The following FBXO42 variants were observed in gnomAD, a reference collection of about 807,000 sequenced individuals.
FBXO42 encodes F-box protein 42.
A neutral mutation model predicts 71.7 loss-of-function variants in FBXO42; 12 were observed. The ratio of observed to expected loss-of-function variants is 0.17; its 90% confidence interval spans 0.11 to 0.27. The LOEUF (loss-of-function observed/expected upper bound fraction) is 0.27. FBXO42 is among the 10% of genes least tolerant of loss of function. FBXO42 has a pLI of 1.00. For synonymous variants in FBXO42, 325 were observed against 327.5 expected (o/e 0.99, Z 0.08); for missense variants, 707 against 911.9 (o/e 0.78, Z 2.89).
rs556669619 is a variant in FBXO42, at chr1:16,331,277, G to A, written c.-17-15842C>T. Reference sequence around the variant, plus strand: ...AAATACAAAAAATTAGCCGGGCATGGTGGCGGGCGCCTGTAGTCCCAGCTA... The same window carrying A: ...AAATACAAAAAATTAGCCGGGCATGATGGCGGGCGCCTGTAGTCCCAGCTA... On this transcript the variant is annotated intron_variant, in intron 1 of 9. Coordinates refer to ENST00000375592, the MANE Select transcript of FBXO42 (RefSeq NM_018994.3). Among the ~76,000 whole-genome samples the A allele has an allele frequency of 6.1e-3, 929 of 151,866 alleles. 11 individuals carry two copies. The highest frequency in any genetic ancestry group is 0.021 in the African/African-American group (882 of 41,402).
chr1:16,326,695 A>AG (rs899099282), intron 1 of FBXO42, among the ~76,000 whole-genome samples: 5 of 151,916 alleles, frequency 3.3e-5, no homozygotes, highest in African/African-American at 1.2e-4. Flanking sequence ...AAAAAAAAAA[A>AG]AAAAAGAAAA....
At chr1:16,279,058 G>A (rs907897683) in intron 4 of FBXO42, among the ~76,000 whole-genome samples, 2 of 152,182 alleles carry the variant, frequency 1.3e-5, no homozygotes, top group African/African-American at 2.4e-5. Context: ...TTACAGGCAT[G>A]AGCCACCGCG....
chr1:16,275,284 A>G (rs1229437638), intron 4 of FBXO42, among the ~76,000 whole-genome samples: 1 of 152,196 alleles, frequency 6.6e-6, no homozygotes, highest in Non-Finnish European at 1.5e-5. Flanking sequence ...GAAAAGAGGA[A>G]ATTATCAGGG....
chr1:16,347,752 G>A (rs1461289527), intron 1 of FBXO42, among the ~76,000 whole-genome samples: 1 of 152,174 alleles, frequency 6.6e-6, no homozygotes, highest in Non-Finnish European at 1.5e-5. Flanking sequence ...CACTTTGGGA[G>A]GCCGAGGCGG....
At position 16,249,035 on chromosome 1, in the gene FBXO42, T is replaced by A. The variant is rs151206607; in HGVS notation, c.*1635A>T. The A allele has an allele frequency of 1.3e-5, 2 of 152,260 alleles. No individual in the cohort carries two copies. Among genetic ancestry groups the A allele is most frequent in the Non-Finnish European group, 2.9e-5 (2 of 68,046 alleles). The allele number at this position is 152,260 out of a possible 1,614,324, so 9.4% of individuals were successfully genotyped here. A position where few individuals can be genotyped will look rare whatever the true frequency, so the allele number is the denominator to read the frequency against. On this transcript the variant is annotated 3_prime_UTR_variant, in exon 10 of 10. Transcript: ENST00000375592. Reference sequence around the variant, plus strand: ...CCAGGGCCAGCTGCAGCAGGCTTTGTGCCTGAGAAACGCTAATAATAAAAA... The same window carrying A: ...CCAGGGCCAGCTGCAGCAGGCTTTGAGCCTGAGAAACGCTAATAATAAAAA...
intron 1 of FBXO42, among the ~76,000 whole-genome samples, chr1:16,330,012 C>T (rs2082484394): frequency 6.6e-6 from 1 of 152,154 alleles, no homozygotes; most frequent in Admixed American, 6.6e-5. Flanking sequence ...CGTGTATGTA[C>T]GTTTTCCTCT....
chr1:16,341,884 T>A (rs1024179423), intron 1 of FBXO42, among the ~76,000 whole-genome samples: 1 of 148,934 alleles, frequency 6.7e-6, no homozygotes, highest in African/African-American at 2.5e-5. Flanking sequence ...GGAAGGAGAA[T>A]CGCTTGAACC....
intron 1 of FBXO42, among the ~76,000 whole-genome samples, chr1:16,334,611 T>G: frequency 6.6e-6 from 1 of 152,000 alleles, no homozygotes; most frequent in Non-Finnish European, 1.5e-5. Context: ...CTGTATCAGT[T>G]TACAAACTAA....
intron 1 of FBXO42, among the ~76,000 whole-genome samples, chr1:16,341,972 C>CA (rs56035222): frequency 0.033 from 3,324 of 99,820 alleles, 108 homozygotes; most frequent in African/African-American, 0.11. Context: ...ATTCCGTCTC[C>CA]AAAAAAAAAA....
chr1:16,284,927 C>T (rs938194764), intron 4 of FBXO42, among the ~76,000 whole-genome samples: 89 of 151,846 alleles, frequency 5.9e-4, no homozygotes, highest in Non-Finnish European at 9.7e-4. Flanking sequence ...AGAGATTGCA[C>T]CACTGAACTC....
At chr1:16,260,135 A>G (rs963485920) in intron 4 of FBXO42, among the ~76,000 whole-genome samples, 3 of 152,076 alleles carry the variant, frequency 2.0e-5, no homozygotes, top group Admixed American at 6.6e-5. Flanking sequence ...TATTGTTACT[A>G]TAACTCTTAC....
rs2081605423 is a variant in FBXO42, at chr1:16,252,688, G to A, written c.922-284C>T. 6.6e-6 allele frequency among the ~76,000 whole-genome samples: 1 copy of A among 152,104 alleles called. No homozygotes were observed. The highest frequency in any genetic ancestry group is 6.6e-5 in the Admixed American group (1 of 15,256). On this transcript the variant is annotated intron_variant, in intron 8 of 9. Transcript: ENST00000375592. The surrounding 1 kb of genome is among the most constrained non-coding windows in gnomAD (Gnocchi z 4.4). Reference sequence around the variant, plus strand: ...CCCATAATTTTATGTGTATGTATTGGGGATTGAAGGAGAGGATAAATAATA... The same window carrying A: ...CCCATAATTTTATGTGTATGTATTGAGGATTGAAGGAGAGGATAAATAATA...
intron 2 of FBXO42, among the ~76,000 whole-genome samples, chr1:16,308,738 C>CTTTTTTTTTTT (rs1375953649): frequency 8.6e-6 from 1 of 116,490 alleles, no homozygotes; most frequent in Non-Finnish European, 1.7e-5. Context: ...GACCCCATCT[C>CTTTTTTTTTTT]TGTTTTTTTT....
At chr1:16,277,799 C>T (rs980716624) in intron 4 of FBXO42, among the ~76,000 whole-genome samples, 6 of 139,902 alleles carry the variant, frequency 4.3e-5, no homozygotes, top group Non-Finnish European at 7.8e-5. Flanking sequence ...CCAGCACTTT[C>T]GGAGGATGAG....
chr1:16,328,726 T>C (rs990047133), intron 1 of FBXO42, among the ~76,000 whole-genome samples: 8 of 152,182 alleles, frequency 5.3e-5, no homozygotes, highest in Non-Finnish European at 2.9e-5. Flanking sequence ...CAGAAGTTCT[T>C]TCTAATACCG....
At chr1:16,276,293 T>C (rs1358094372) in intron 4 of FBXO42, among the ~76,000 whole-genome samples, 3 of 148,756 alleles carry the variant, frequency 2.0e-5, no homozygotes, top group Non-Finnish European at 3.0e-5. Flanking sequence ...GGCAGGAGAA[T>C]GGCGTGAACC....
intron 2 of FBXO42, among the ~76,000 whole-genome samples, chr1:16,308,740 G>GTTTTT (rs35488648): frequency 2.9e-4 from 23 of 80,632 alleles, no homozygotes; most frequent in Admixed American, 5.0e-4. Flanking sequence ...CCCCATCTCT[G>GTTTTT]TTTTTTTTTT....
At chr1:16,272,875 G>A (rs1237019603) in intron 4 of FBXO42, among the ~76,000 whole-genome samples, 3 of 152,136 alleles carry the variant, frequency 2.0e-5, no homozygotes, top group South Asian at 4.1e-4. Context: ...GTATCAACCA[G>A]GGTCCCCAGA....
chr1:16,272,538 C>A (rs1342037156), intron 4 of FBXO42, among the ~76,000 whole-genome samples: 2 of 152,132 alleles, frequency 1.3e-5, no homozygotes, highest in African/African-American at 2.4e-5. Context: ...GGATTACAGG[C>A]GTGAGCCACC....
Sources: allele counts gnomAD v4.1 joint callset (sites outside exome capture counted in the v4.1 genomes callset), GRCh38; gene constraint gnomAD v4.1.1; non-coding constraint Gnocchi (gnomAD v3.1); transcripts MANE v1.5; gene names NCBI Gene and HGNC (gene_info 2026-07-23, HGNC 2026-07-21).